Variants in SPATA13 observed in about 807,000 individuals in gnomAD.
SPATA13 encodes spermatogenesis associated 13.
SPATA13 carries 50 observed loss-of-function variants against 104.0 expected under a neutral mutation model. That is an observed-to-expected ratio of 0.48 (90% CI 0.38 to 0.61). The LOEUF is 0.61. Among genes scored for constraint, SPATA13 ranks in the 20% least tolerant of loss-of-function variants. SPATA13 has a pLI of 0.00. For missense variants in SPATA13, 1,524 were observed against 1,690.6 expected (o/e 0.90, Z 1.73); for synonymous variants, 606 against 667.5 (o/e 0.91, Z 1.42).
rs1164864705 is a variant in SPATA13, at chr13:23,983,879, G to A, written c.-201G>A. On this transcript the variant is annotated 5_prime_UTR_variant, in exon 2 of 15. Transcript: ENST00000424834. ...ACCACAGGCCTGATGAAAATGAAAT[G>A]GCAACACCGTGCAGATGGCAAAGCG... 8.1e-6 allele frequency: 8 copies of A among 985,312 alleles called. 1 individual carries two copies. The highest frequency in any genetic ancestry group is 7.0e-5 in the African/African-American group (4 of 57,236). The allele number at this position is 985,312 out of a possible 1,614,324, so 61.0% of individuals were successfully genotyped here. A position where few individuals can be genotyped will look rare whatever the true frequency, so the allele number is the denominator to read the frequency against.
rs761767028 is a variant in SPATA13 at position 24,290,890 on chromosome 13, G to A, written c.3080+6G>A. 1.9e-6 allele frequency: 3 copies of A among 1,612,118 alleles called. No individual in the cohort carries two copies. The highest frequency in any genetic ancestry group is 2.7e-5 in the African/African-American group (2 of 75,002). On this transcript the variant is annotated splice_donor_region_variant and intron_variant, in intron 9 of 12. Transcript: ENST00000382108. ...TATACCACACAGGAACACGGGTGAG[G>A]GGCATGGGTAAGGGGCACAGGTGAG...
At chr13:24,093,128 C>G (rs1271281118) in intron 3 of SPATA13, among the ~76,000 whole-genome samples, 2 of 152,124 alleles carry the variant, frequency 1.3e-5, no homozygotes, top group African/African-American at 4.8e-5. Context: ...TCCACCTGAC[C>G]CTAATAAACA....
In SPATA13 at chr13:24,051,581, G is replaced by A. The variant is rs898367437; in HGVS notation, c.-112+33880G>A. ...AAGCCAGGGAGTAAATGCTTCCTCC[G>A]TCTCCCTGCTGGTCTAGTAGAGTGG... On this transcript the variant is annotated intron_variant, in intron 3 of 14. Coordinates refer to the SPATA13 transcript ENST00000424834. The surrounding 1 kb of genome is among the most constrained non-coding windows in gnomAD (Gnocchi z 4.2). Among the ~76,000 whole-genome samples, 1 of 152,066 alleles carries A rather than the reference G, an allele frequency of 6.6e-6. No individual in the cohort carries two copies. The highest frequency in any genetic ancestry group is 1.5e-5 in the Non-Finnish European group (1 of 68,022).
intron 4 of SPATA13, among the ~76,000 whole-genome samples, chr13:24,260,462 G>C (rs961938590): frequency 6.6e-6 from 1 of 152,152 alleles, no homozygotes; most frequent in Non-Finnish European, 1.5e-5. Context: ...ATCCTCACCG[G>C]GAGTCAAGAG....
intron 2 of SPATA13, among the ~76,000 whole-genome samples, chr13:23,987,096 G>A (rs1875184510): frequency 6.7e-6 from 1 of 150,128 alleles, no homozygotes; most frequent in African/African-American, 2.4e-5. Context: ...TATTTTAAAT[G>A]AACTAGAGGA....
intron 2 of SPATA13, among the ~76,000 whole-genome samples, chr13:24,012,344 T>C (rs1338746558): frequency 1.3e-5 from 2 of 152,218 alleles, no homozygotes; most frequent in Non-Finnish European, 2.9e-5. Flanking sequence ...TCTATCTTGG[T>C]CAAGGTTGCC....
At chr13:24,202,881 A>G (rs915486073) in intron 1 of SPATA13, among the ~76,000 whole-genome samples, 3 of 152,158 alleles carry the variant, frequency 2.0e-5, no homozygotes, top group African/African-American at 4.8e-5. Context: ...TACTTGCCCA[A>G]TTTAGGAGTG....
Position 24,249,578 on chromosome 13 carries a change from A to G in SPATA13, c.1755A>G (p.Pro585=), listed in dbSNP as rs1454622916. 3 of 1,614,024 alleles carry G rather than the reference A, an allele frequency of 1.9e-6. No homozygotes were observed. The highest frequency in any genetic ancestry group is 1.7e-6 in the Non-Finnish European group (2 of 1,179,874). ...PKRRWGSGRR[P]RPRPFSDYGQ... is the part of the protein sequence containing the mutation. ...GGAGATGGGGCTCTGGGAGACGGCC[A>G]AGGCCTCGGCCATTCTCTGACTACG... Residue 585 remains proline, a synonymous_variant, in exon 3 of 13, where the codon CCA becomes CCG. Transcript: ENST00000382108.
At chr13:24,035,280 G>A (rs1011476533) in intron 3 of SPATA13, among the ~76,000 whole-genome samples, 1 of 151,944 alleles carries the variant, frequency 6.6e-6, no homozygotes, top group East Asian at 1.9e-4. Context: ...TCAGCCTCCC[G>A]AGTAGCTGGG....
At chr13:24,045,269 A>G (rs1878097924) in intron 3 of SPATA13, among the ~76,000 whole-genome samples, 1 of 152,246 alleles carries the variant, frequency 6.6e-6, no homozygotes, top group African/African-American at 2.4e-5. Flanking sequence ...CAGAAAGCTT[A>G]GAGCTAAATT....
At chr13:24,183,716 A>G (rs758625601) in intron 1 of SPATA13, among the ~76,000 whole-genome samples, 1 of 151,708 alleles carries the variant, frequency 6.6e-6, no homozygotes, top group South Asian at 2.1e-4. Context: ...AAAAGATTGG[A>G]CACCCCTGCT....
chr13:24,200,934 G>T (rs1923908), intron 1 of SPATA13, among the ~76,000 whole-genome samples: 87,740 of 151,880 alleles, frequency 0.58, 29,553 homozygotes, highest in East Asian at 0.91. Context: ...GAATGTGTCT[G>T]ATTACGTCCT....
At chr13:24,285,495 C>A (rs930546707) in intron 5 of SPATA13, among the ~76,000 whole-genome samples, 1 of 151,816 alleles carries the variant, frequency 6.6e-6, no homozygotes, top group African/African-American at 2.4e-5. Context: ...AAAAAGGGGC[C>A]TGCCTGCCTG....
intron 2 of SPATA13, among the ~76,000 whole-genome samples, chr13:24,240,508 G>A (rs1040269319): frequency 1.3e-4 from 20 of 152,028 alleles, no homozygotes; most frequent in African/African-American, 4.6e-4. Context: ...TGAGGTGAGG[G>A]GCACAGGACA....
chr13:24,107,452 A>G (rs17080048), intron 3 of SPATA13, among the ~76,000 whole-genome samples: 14,799 of 152,112 alleles, frequency 0.097, 908 homozygotes, highest in African/African-American at 0.17. Context: ...GGCCCTAGGA[A>G]GGAATAAAAG....
chr13:24,202,212 T>C (rs751637234), intron 1 of SPATA13, among the ~76,000 whole-genome samples: 3 of 152,070 alleles, frequency 2.0e-5, no homozygotes, highest in Admixed American at 6.5e-5. Context: ...TACCTTGTTG[T>C]GTGTTGTGAG....
At position 24,215,947 on chromosome 13, in the gene SPATA13, C is replaced by T. The variant is rs977757367; in HGVS notation, c.-111-6872C>T. ...GTTGCAGGCATGAGGTAGTCCTAAC[C>T]GGGAACTTCATTGTTACTGCTGCAA... On this transcript the variant is annotated intron_variant, in intron 1 of 12. Coordinates refer to ENST00000382108, the MANE Select transcript of SPATA13 (RefSeq NM_001166271.3). 1.1e-3 allele frequency among the ~76,000 whole-genome samples: 175 copies of T among 152,288 alleles called. 2 individuals are homozygous for T. The highest frequency in any genetic ancestry group is 4.0e-3 in the African/African-American group (166 of 41,566).
intron 3 of SPATA13, among the ~76,000 whole-genome samples, chr13:24,062,396 T>C (rs1878802328): frequency 6.6e-6 from 1 of 152,138 alleles, no homozygotes; most frequent in Non-Finnish European, 1.5e-5. Flanking sequence ...CGAAGAGAGC[T>C]GAGGGCACAC....
rs554058133 is a variant in SPATA13 at position 24,247,933 on chromosome 13, G to A, written c.1654-1544G>A. ...CCACCATTTTGGTTTCTCAAGGAGG[G>A]AGCCGGTGGGCTGCGGCACAAGCTC... On this transcript the variant is annotated intron_variant, in intron 2 of 12. Transcript: ENST00000382108. Among the ~76,000 whole-genome samples, 6 of 152,240 alleles carry A rather than the reference G, an allele frequency of 3.9e-5. No individual in the cohort carries two copies. In the East Asian group the frequency reaches 9.7e-4, roughly 25 times the overall value.
Sources: gnomAD v4.1 joint callset for allele counts (sites outside exome capture counted in the v4.1 genomes callset) on GRCh38, gnomAD v4.1.1 for gene constraint, Gnocchi (gnomAD v3.1) non-coding constraint, MANE v1.5 for transcripts, NCBI Gene and HGNC (gene_info 2026-07-23, HGNC 2026-07-21) for gene names.